The following MECOM variants were observed in gnomAD, a reference collection of about 807,000 sequenced individuals.
MECOM encodes histone-lysine N-methyltransferase MECOM.
Under a neutral mutation model 116.3 loss-of-function variants are expected in MECOM, and 13 were observed. That is an observed-to-expected ratio of 0.11 (90% CI 0.07 to 0.18). MECOM has a LOEUF of 0.18. Ranked by LOEUF, MECOM falls within the 10% of genes least tolerant of loss-of-function variation. The probability of loss-of-function intolerance (pLI) is 1.00; values close to 1 mark genes in which losing one functional copy is unlikely to be tolerated. For missense variants in MECOM, 1,299 were observed against 1,509.0 expected (o/e 0.86, Z 2.31); for synonymous variants, 528 against 535.2 (o/e 0.99, Z 0.19).
chr3:169,302,118 C>T (rs16853452), intron 2 of MECOM, among the ~76,000 whole-genome samples: 42,000 of 152,096 alleles, frequency 0.28, 7,217 homozygotes, highest in Admixed American at 0.45. Flanking sequence ...AATTGGGGCC[C>T]GACAGGACTA....
At chr3:169,548,814 G>A (rs76642126) in intron 1 of MECOM, among the ~76,000 whole-genome samples, 12,442 of 152,136 alleles carry the variant, frequency 0.082, 598 homozygotes, top group Middle Eastern at 0.16. Flanking sequence ...TTAGGTTATA[G>A]GTTTACATAT....
chr3:169,094,982 A>C, intron 13 of MECOM, 94 bp downstream of exon 13: 1 of 1,174,956 alleles, frequency 8.5e-7, no homozygotes, highest in Non-Finnish European at 1.1e-6. Flanking sequence ...TTGGCGTCAA[A>C]ATGGAATAAA....
intron 2 of MECOM, among the ~76,000 whole-genome samples, chr3:169,216,577 T>TAAA (rs527868465): frequency 0.11 from 15,205 of 133,638 alleles, 883 homozygotes; most frequent in Non-Finnish European, 0.13. Context: ...CCTTCTCTAG[T>TAAA]AAAAAAAAAA....
At chr3:169,540,835 A>C (rs572717459) in intron 1 of MECOM, among the ~76,000 whole-genome samples, 1 of 152,224 alleles carries the variant, frequency 6.6e-6, no homozygotes, top group East Asian at 1.9e-4. Flanking sequence ...ACTCCTTATA[A>C]AGACTCAACA....
intron 12 of MECOM, among the ~76,000 whole-genome samples, chr3:169,098,664 C>CTT (rs1249530836): frequency 6.6e-6 from 1 of 152,102 alleles, no homozygotes; most frequent in Non-Finnish European, 1.5e-5. Flanking sequence ...CCTCTTTAAA[C>CTT]TTTCACTCAC....
intron 1 of MECOM, among the ~76,000 whole-genome samples, chr3:169,427,006 G>T (rs1560260082): frequency 6.6e-6 from 1 of 152,004 alleles, no homozygotes; most frequent in Non-Finnish European, 1.5e-5. Context: ...TACATTCAGA[G>T]CCTATATTCT....
Position 169,382,879 on chromosome 3 carries a change from A to AAAAAAAAAAAAAAGAAG in MECOM, c.38-1356_38-1355insCTTCTTTTTTTTTTTTT, listed in dbSNP as rs1358767356. 4.0e-4 allele frequency among the ~76,000 whole-genome samples: 56 copies of AAAAAAAAAAAAAAGAAG among 138,504 alleles called. 3 individuals are homozygous for AAAAAAAAAAAAAAGAAG. The highest frequency in any genetic ancestry group is 1.2e-3 in the East Asian group (5 of 4,188). 90.9% of individuals were successfully genotyped at this position (138,504 alleles called of 152,430 possible). A position where few individuals can be genotyped will look rare whatever the true frequency, so the allele number is the denominator to read the frequency against. On this transcript the variant is annotated intron_variant, in intron 1 of 16. Coordinates refer to ENST00000651503, the MANE Select transcript of MECOM (RefSeq NM_004991.4). ...AAAAAAAAAAATAAAAAAAATAAAA[A>AAAAAAAAAAAAAAGAAG]AAGAAGGTAAAATGGGTTGCCTCCA...
intron 1 of MECOM, among the ~76,000 whole-genome samples, chr3:169,431,205 A>T (rs1367100549): frequency 6.6e-6 from 1 of 152,154 alleles, no homozygotes; most frequent in Non-Finnish European, 1.5e-5. Context: ...AGTTAGACAA[A>T]CCCAAAGTCA....
intron 2 of MECOM, among the ~76,000 whole-genome samples, chr3:169,336,771 TAATC>T (rs780874482): frequency 7.2e-5 from 11 of 152,082 alleles, no homozygotes; most frequent in Non-Finnish European, 1.3e-4. Context: ...CTCTTGGAAA[TAATC>T]AAGCATTACC....
chr3:169,190,464 T>C (rs1299342388), intron 2 of MECOM, among the ~76,000 whole-genome samples: 1 of 152,052 alleles, frequency 6.6e-6, no homozygotes, highest in African/African-American at 2.4e-5. Context: ...GACAACTTAA[T>C]ATCCATGAAC....
chr3:169,166,018 C>G (rs1190772886), intron 2 of MECOM, among the ~76,000 whole-genome samples: 1 of 152,122 alleles, frequency 6.6e-6, no homozygotes, highest in African/African-American at 2.4e-5. Flanking sequence ...GAATTCCACT[C>G]TTCACTGAAG....
chr3:169,587,987 T>G (rs1236198012), intron 1 of MECOM, among the ~76,000 whole-genome samples: 2 of 152,190 alleles, frequency 1.3e-5, no homozygotes, highest in African/African-American at 4.8e-5. Context: ...CCAAATTAAT[T>G]TGTTAATTTA....
At chr3:169,168,007 T>C (rs1019106166) in intron 2 of MECOM, among the ~76,000 whole-genome samples, 10 of 142,620 alleles carry the variant, frequency 7.0e-5, no homozygotes, top group Non-Finnish European at 1.1e-4. Flanking sequence ...AATAGCAGCT[T>C]GTCACATGTA....
intron 2 of MECOM, among the ~76,000 whole-genome samples, chr3:169,348,062 G>A (rs761809100): frequency 3.3e-5 from 5 of 151,952 alleles, no homozygotes; most frequent in Non-Finnish European, 5.9e-5. Flanking sequence ...TTCCCAGCAA[G>A]ACACTGAGCC....
At chr3:169,347,366 C>G (rs1254771150) in intron 2 of MECOM, among the ~76,000 whole-genome samples, 1 of 151,862 alleles carries the variant, frequency 6.6e-6, no homozygotes, top group Non-Finnish European at 1.5e-5. Context: ...TATATAGGTA[C>G]ACATTTGAAA....
At chr3:169,559,726 C>T (rs1276605601) in intron 1 of MECOM, among the ~76,000 whole-genome samples, 1 of 152,078 alleles carries the variant, frequency 6.6e-6, no homozygotes, top group Non-Finnish European at 1.5e-5. Context: ...CTAAGATCAC[C>T]CAAATGGACT....
At chr3:169,604,059 G>C (rs189207734) in intron 1 of MECOM, among the ~76,000 whole-genome samples, 1 of 152,266 alleles carries the variant, frequency 6.6e-6, no homozygotes, top group East Asian at 1.9e-4. Flanking sequence ...TTTTCTCTAA[G>C]CGAAAATTTC....
intron 2 of MECOM, among the ~76,000 whole-genome samples, chr3:169,224,775 G>A (rs190029285): frequency 2.1e-4 from 32 of 152,306 alleles, no homozygotes; most frequent in South Asian, 4.1e-4. Flanking sequence ...AAGGGGGCCC[G>A]TAGAGAATCA....
rs541279376 is a variant in MECOM, at chr3:169,244,422, C to T, written c.376-100590G>A. 8.5e-5 allele frequency among the ~76,000 whole-genome samples: 13 copies of T among 152,288 alleles called. No homozygotes were observed. In the South Asian group the frequency reaches 2.7e-3, roughly 32 times the overall value. ...TCACATTTGCCATGTGCCTCATTAT[C>T]CTGCACCCCACTGTGCCTACCTGTC... On this transcript the variant is annotated intron_variant, in intron 2 of 16. Coordinates refer to ENST00000651503, the MANE Select transcript of MECOM (RefSeq NM_004991.4).
Sources: allele counts gnomAD v4.1 joint callset (sites outside exome capture counted in the v4.1 genomes callset), GRCh38; gene constraint gnomAD v4.1.1; transcripts MANE v1.5; gene names NCBI Gene and HGNC (gene_info 2026-07-23, HGNC 2026-07-21).